The following DLGAP4 variants were observed in gnomAD, a reference collection of about 807,000 sequenced individuals.
DLGAP4 encodes the protein disks large-associated protein 4.
A neutral mutation model predicts 86.9 loss-of-function variants in DLGAP4; 18 were observed. The observed-to-expected ratio is 0.21, with a 90% confidence interval of 0.14 to 0.31. The LOEUF (loss-of-function observed/expected upper bound fraction) is 0.31, where lower values mean the gene tolerates loss of function less well. Ranked by LOEUF, DLGAP4 falls within the 10% of genes least tolerant of loss-of-function variation. The probability of loss-of-function intolerance (pLI) is 1.00; values close to 1 mark genes in which losing one functional copy is unlikely to be tolerated. For synonymous variants in DLGAP4, 548 were observed against 574.3 expected (o/e 0.95, Z 0.65); for missense variants, 1,085 against 1,362.6 (o/e 0.80, Z 3.21).
chr20:36,521,838 T>C (rs988698349), intron 10 of DLGAP4, among the ~76,000 whole-genome samples: 3 of 152,266 alleles, frequency 2.0e-5, no homozygotes, highest in Admixed American at 2.0e-4. Context: ...CAATTTCTGG[T>C]AAGTATTCAT....
intron 7 of DLGAP4, chr20:36,462,425 G>A (rs1275496483): frequency 2.0e-6 from 3 of 1,510,360 alleles, no homozygotes; most frequent in East Asian, 2.6e-5. Flanking sequence ...CCCCCTTTGA[G>A]CCTGCTTCTT....
At chr20:36,348,119 G>A (rs2030006625) in intron 1 of DLGAP4, among the ~76,000 whole-genome samples, 1 of 152,156 alleles carries the variant, frequency 6.6e-6, no homozygotes, top group African/African-American at 2.4e-5. Flanking sequence ...TACCAAAAAC[G>A]TAGTCACATG....
intron 10 of DLGAP4, among the ~76,000 whole-genome samples, chr20:36,511,530 C>A (rs904125948): frequency 6.6e-6 from 1 of 151,978 alleles, no homozygotes; most frequent in Admixed American, 6.6e-5. Flanking sequence ...TAGATTTATT[C>A]CTTAGTACTT....
chr20:36,410,432 A>G (rs537093568), intron 2 of DLGAP4, among the ~76,000 whole-genome samples: 1 of 152,296 alleles, frequency 6.6e-6, no homozygotes, highest in Admixed American at 6.5e-5. Context: ...TTCTACCTGA[A>G]GTGTAGATGT....
rs1357227772 is a variant in DLGAP4 at position 36,477,050 on chromosome 20, A to G, written c.1649-19655A>G. 2.0e-5 allele frequency among the ~76,000 whole-genome samples: 3 copies of G among 151,544 alleles called. No individual in the cohort carries two copies. The East Asian group carries it at 5.8e-4, about 29-fold the overall frequency. The stretch of plus-strand genomic sequence containing the variant: ...AGGGCAGCTGAGGGGAATGCTCTGA[A>G]TAATTAACTCTTATGGTAGTGATTA... On this transcript the variant is annotated intron_variant, in intron 7 of 12. Coordinates refer to ENST00000339266, the MANE Select transcript of DLGAP4 (RefSeq NM_001365621.2).
intron 2 of DLGAP4, among the ~76,000 whole-genome samples, chr20:36,426,090 A>G (rs149444628): frequency 1.3e-5 from 2 of 152,382 alleles, no homozygotes; most frequent in African/African-American, 4.8e-5. Context: ...ATGCTACAAC[A>G]TGGGTGAACT....
In DLGAP4 at chr20:36,497,337, C is replaced by A. The variant is rs993987234; in HGVS notation, c.2010+271C>A. On this transcript the variant is annotated intron_variant, in intron 8 of 12. Coordinates refer to ENST00000339266, the MANE Select transcript of DLGAP4 (RefSeq NM_001365621.2). ...GTGAATGTAGTTACACTCAGCCAGC[C>A]ATCTCCTGTCCACTGTTTGCCTGTC... 7.8e-5 allele frequency: 103 copies of A among 1,322,254 alleles called. 2 individuals carry two copies. In the Middle Eastern group the frequency reaches 1.2e-3, roughly 15 times the overall value. 81.9% of individuals were successfully genotyped at this position (1,322,254 alleles called of 1,614,324 possible).
chr20:36,490,721 G>C (rs2035624224), intron 7 of DLGAP4, among the ~76,000 whole-genome samples: 1 of 152,200 alleles, frequency 6.6e-6, no homozygotes, highest in South Asian at 2.1e-4. Flanking sequence ...GCACCTGGGA[G>C]CCAGCAGGCA....
At chr20:36,318,429 G>T (rs1441310206) in intron 1 of DLGAP4, among the ~76,000 whole-genome samples, 1 of 152,204 alleles carries the variant, frequency 6.6e-6, no homozygotes, top group Non-Finnish European at 1.5e-5. Flanking sequence ...CTGAAATGCA[G>T]TGGTGCAGTC....
chr20:36,382,194 C>T (rs2425234), intron 2 of DLGAP4, among the ~76,000 whole-genome samples: 6 of 152,102 alleles, frequency 3.9e-5, no homozygotes, highest in Admixed American at 1.3e-4. Flanking sequence ...ACATTTGAGA[C>T]ATTTCTTGGC....
chr20:36,374,277 GC>G (rs2031063561), intron 2 of DLGAP4, among the ~76,000 whole-genome samples: 1 of 152,148 alleles, frequency 6.6e-6, no homozygotes, highest in African/African-American at 2.4e-5. Flanking sequence ...TGTGAGAGGT[GC>G]TAAGGTGGAT....
At chr20:36,491,387 G>A (rs1026689826) in intron 7 of DLGAP4, among the ~76,000 whole-genome samples, 12 of 152,106 alleles carry the variant, frequency 7.9e-5, no homozygotes, top group Non-Finnish European at 1.3e-4. Flanking sequence ...AGGATGCATC[G>A]CACAACTGGC....
intron 2 of DLGAP4, among the ~76,000 whole-genome samples, chr20:36,371,369 T>C (rs117997981): frequency 3.9e-4 from 59 of 152,322 alleles, no homozygotes; most frequent in South Asian, 1.2e-3. Flanking sequence ...GGGACAGATA[T>C]TATACAGTCA....
chr20:36,442,331 A>T (rs564916756), intron 5 of DLGAP4, among the ~76,000 whole-genome samples: 1 of 152,120 alleles, frequency 6.6e-6, no homozygotes, highest in Non-Finnish European at 1.5e-5. Context: ...AGTAGCTGGG[A>T]TTATAGGCAT....
At chr20:36,484,751 A>AGG (rs766925643) in intron 7 of DLGAP4, among the ~76,000 whole-genome samples, 9 of 152,196 alleles carry the variant, frequency 5.9e-5, no homozygotes, top group East Asian at 1.9e-4. Flanking sequence ...GGAGCAAGGG[A>AGG]GGGGGCTGGA....
intron 5 of DLGAP4, among the ~76,000 whole-genome samples, chr20:36,442,445 C>T (rs372081010): frequency 2.0e-5 from 3 of 152,206 alleles, no homozygotes; most frequent in Admixed American, 6.5e-5. Flanking sequence ...CCACCCGCCT[C>T]GACCTCCCAG....
At position 36,527,909 on chromosome 20, in the gene DLGAP4, G is replaced by GGGCGGGC. The variant is rs1163340030; in HGVS notation, c.*884_*890dup. 6.5e-6 allele frequency: 1 copy of GGGCGGGC among 152,680 alleles called. No individual in the cohort carries two copies. Among genetic ancestry groups the GGGCGGGC allele is most frequent in the Non-Finnish European group, 1.5e-5 (1 of 68,090 alleles). The allele number at this position is 152,680 out of a possible 1,614,324, so 9.5% of individuals were successfully genotyped here. A position where few individuals can be genotyped will look rare whatever the true frequency, so the allele number is the denominator to read the frequency against. The stretch of plus-strand genomic sequence containing the variant: ...GCCGCGCCTGTGTCCGGTGCCCGAG[G>GGGCGGGC]GGCGGGCGGCGGTGTCTGTATGTAT... On this transcript the variant is annotated 3_prime_UTR_variant, in exon 13 of 13. Coordinates refer to ENST00000339266, the MANE Select transcript of DLGAP4 (RefSeq NM_001365621.2).
At chr20:36,524,904 C>T (rs888618340) in intron 11 of DLGAP4, among the ~76,000 whole-genome samples, 15 of 151,622 alleles carry the variant, frequency 9.9e-5, no homozygotes, top group Admixed American at 7.2e-4. Context: ...CAGCGAAACT[C>T]TGTCTCAAAA....
At chr20:36,370,965 C>T (rs1600445921) in intron 2 of DLGAP4, among the ~76,000 whole-genome samples, 1 of 152,206 alleles carries the variant, frequency 6.6e-6, no homozygotes, top group African/African-American at 2.4e-5. Flanking sequence ...ACATTTGTTC[C>T]CTTCTTTAAT....
Sources: gnomAD v4.1 joint callset for allele counts (sites outside exome capture counted in the v4.1 genomes callset) on GRCh38, gnomAD v4.1.1 for gene constraint, MANE v1.5 for transcripts, NCBI Gene and HGNC (gene_info 2026-07-23, HGNC 2026-07-21) for gene names.